LINGO1: variants seen among roughly 807,000 people sequenced by gnomAD.
LINGO1 encodes the protein leucine rich repeat and Ig domain containing 1, also known as leucine-rich repeat and immunoglobulin-like domain-containing nogo receptor-interacting protein 1.
A neutral mutation model predicts 37.3 loss-of-function variants in LINGO1; 11 were observed. The ratio of observed to expected loss-of-function variants is 0.29; its 90% CI spans 0.19 to 0.49. The LOEUF (loss-of-function observed/expected upper bound fraction) is 0.49. LINGO1 is among the 20% of genes least tolerant of loss of function. LINGO1 has a pLI of 0.99. For missense variants in LINGO1, 585 were observed against 878.2 expected, an observed-to-expected ratio of 0.67 and a Z score of 4.22; for synonymous variants, 387 against 403.0, an observed-to-expected ratio of 0.96 and a Z score of 0.48.
intron 1 of LINGO1, among the ~76,000 whole-genome samples, chr15:77,695,314 G>A (rs985766120): frequency 1.3e-5 from 2 of 152,056 alleles, no homozygotes; most frequent in Admixed American, 6.5e-5. Context: ...AGAGGCAGCA[G>A]TTATGGGGTG....
upstream of LINGO1, among the ~76,000 whole-genome samples, chr15:77,697,957 G>A (rs1407144405): frequency 6.6e-6 from 1 of 152,186 alleles, no homozygotes; most frequent in Non-Finnish European, 1.5e-5. Context: ...CTCATCCTAG[G>A]AGCCAGCAGG....
intron 3 of LINGO1, among the ~76,000 whole-genome samples, chr15:77,660,572 G>A (rs1339796671): frequency 6.6e-6 from 1 of 152,228 alleles, no homozygotes; most frequent in Non-Finnish European, 1.5e-5. Context: ...GAGCCCTGGA[G>A]GAGGGAGAAG....
At chr15:77,785,250 T>C (rs973215052) in intron 1 of LINGO1, among the ~76,000 whole-genome samples, 1 of 151,680 alleles carries the variant, frequency 6.6e-6, no homozygotes, top group African/African-American at 2.4e-5. Flanking sequence ...CCCTCCCACA[T>C]CTCCCTCTCT....
At chr15:77,685,780 G>T (rs929914474) in intron 2 of LINGO1, among the ~76,000 whole-genome samples, 2 of 152,052 alleles carry the variant, frequency 1.3e-5, no homozygotes, top group African/African-American at 2.4e-5. Context: ...GAGCCCAGGA[G>T]GTTGAGGCTT....
chr15:77,665,907 C>T (rs2075118725), intron 3 of LINGO1, among the ~76,000 whole-genome samples: 1 of 152,208 alleles, frequency 6.6e-6, no homozygotes, highest in African/African-American at 2.4e-5. Context: ...AGCCTCTCTC[C>T]CCCATCCCAG....
At chr15:77,776,348 C>A (rs960886255) in intron 1 of LINGO1, among the ~76,000 whole-genome samples, 2 of 151,524 alleles carry the variant, frequency 1.3e-5, no homozygotes, top group African/African-American at 2.4e-5. Context: ...CCTTCCAGCA[C>A]CCCCTCCACC....
intron 2 of LINGO1, among the ~76,000 whole-genome samples, chr15:77,722,195 G>A (rs569873744): frequency 1.6e-4 from 24 of 151,436 alleles, no homozygotes; most frequent in Non-Finnish European, 3.2e-4. Context: ...TAAATGGCCC[G>A]GTAAAGCTCA....
At chr15:77,817,974 G>A (rs1177331326) in intron 1 of LINGO1, among the ~76,000 whole-genome samples, 1 of 152,148 alleles carries the variant, frequency 6.6e-6, no homozygotes, top group African/African-American at 2.4e-5. Flanking sequence ...AGAGACCCAG[G>A]TAGATACTGA....
chr15:77,706,264 C>G (rs570973473), intron 2 of LINGO1, among the ~76,000 whole-genome samples: 1 of 152,170 alleles, frequency 6.6e-6, no homozygotes, highest in African/African-American at 2.4e-5. Flanking sequence ...CCACCCAACC[C>G]GGCACCTGTC....
intron 1 of LINGO1, among the ~76,000 whole-genome samples, chr15:77,695,107 G>A (rs1302847646): frequency 6.6e-6 from 1 of 152,316 alleles, no homozygotes; most frequent in South Asian, 2.1e-4. Flanking sequence ...AGCTGGGAGA[G>A]ATTAAAGAAC....
chr15:77,614,271 C>T lies in LINGO1; in HGVS notation c.1636G>A (p.Ala546Thr), dbSNP rs1327849277. 2.5e-6 allele frequency: 4 copies of T among 1,613,904 alleles called. No individual in the cohort carries two copies. The highest frequency in any genetic ancestry group is 2.7e-5 in the African/African-American group (2 of 74,944). Residue 546 changes from alanine (A) to threonine (T), a missense_variant, in exon 2 of 2, where the codon GCC (alanine) becomes ACC (threonine). By Grantham distance (58) the Ala-to-Thr change is moderately conservative (BLOSUM62 0). Transcript: ENST00000355300. ...ATGTCGAAGGGGAAAGGCACAGTGG[C>T]GCGGGTGCTGTTGGCCTCTCCCTCG... is the stretch of plus-strand genomic sequence containing the variant. ...PGEGEANSTR[A>T]TVPFPFDIKT...
At chr15:77,700,650 C>A (rs1486991455), upstream of LINGO1, among the ~76,000 whole-genome samples, 2 of 152,112 alleles carry the variant, frequency 1.3e-5, no homozygotes, top group Admixed American at 1.3e-4. Flanking sequence ...TACCAGTGGT[C>A]AAAGTCTCCG....
intron 2 of LINGO1, among the ~76,000 whole-genome samples, chr15:77,719,406 A>G (rs1165009393): frequency 6.7e-6 from 1 of 149,644 alleles, no homozygotes; most frequent in Non-Finnish European, 1.5e-5. Context: ...TCCATGTAAG[A>G]TCATCCCCCG....
At chr15:77,724,479 C>T (rs1662261901) in intron 2 of LINGO1, among the ~76,000 whole-genome samples, 2 of 152,204 alleles carry the variant, frequency 1.3e-5, no homozygotes, top group South Asian at 4.1e-4. Context: ...CCCCCAGCTG[C>T]GCCCGTCTGT....
At chr15:77,619,702 TAAATAAAATAAAATAAAATAAAATA>T (rs138166574) in intron 1 of LINGO1, among the ~76,000 whole-genome samples, 1 of 147,008 alleles carries the variant, frequency 6.8e-6, no homozygotes, top group African/African-American at 2.5e-5. Context: ...AAACAATAAA[TAAATAAAATAAAATAAAATAAAATA>T]AAATAAAATA....
chr15:77,660,042 C>G (rs577579363), intron 3 of LINGO1: 9 of 152,236 alleles, frequency 5.9e-5, no homozygotes, highest in Non-Finnish European at 1.0e-4. Flanking sequence ...ACACTATGCT[C>G]CAGGAAGAGA....
At chr15:77,703,607 G>C (rs61331678) in intron 2 of LINGO1, among the ~76,000 whole-genome samples, 58,191 of 152,022 alleles carry the variant, frequency 0.38, 11,596 homozygotes, top group Admixed American at 0.51. Context: ...TGATGTCAGG[G>C]ATGCTGGGAA....
In LINGO1 at chr15:77,614,341, G is replaced by A. The variant is rs377370350; in HGVS notation, c.1566C>T (p.Pro522=). The change falls in exon 2 of 2, where the codon CCC becomes CCT. Residue 522 remains proline, a synonymous_variant. Coordinates refer to ENST00000355300, the MANE Select transcript of LINGO1 (RefSeq NM_032808.7). ...LHVRSYSPDW[P]HQPNKTFAFI... ...AAGCGAAGGTCTTGTTGGGCTGATG[G>A]GGCCAGTCGGGCGAGTAGCTGCGCA... The A allele has an allele frequency of 4.2e-5, 67 of 1,613,906 alleles. No individual in the cohort carries two copies. In the East Asian group the frequency reaches 1.1e-3, roughly 27 times the overall value.
intron 3 of LINGO1, among the ~76,000 whole-genome samples, chr15:77,652,485 T>A (rs376679833): frequency 0.015 from 1,367 of 92,310 alleles, 27 homozygotes; most frequent in African/African-American, 0.066. Context: ...GGAGGGAGAG[T>A]GTGTGTGTGT....
Sources: allele counts gnomAD v4.1 joint callset (sites outside exome capture counted in the v4.1 genomes callset), GRCh38; gene constraint gnomAD v4.1.1; transcripts MANE v1.5; gene names NCBI Gene and HGNC (gene_info 2026-07-23, HGNC 2026-07-21).